The following NELL1 variants were observed in gnomAD, a reference collection of about 807,000 sequenced individuals.
NELL1 encodes neural EGFL like 1, also known as protein kinase C-binding protein NELL1.
In NELL1, 76 loss-of-function variants were observed where a neutral mutation model predicts 107.4. The ratio of observed to expected loss-of-function variants is 0.71; its 90% CI spans 0.59 to 0.86. NELL1 has a LOEUF of 0.86. Among genes scored for constraint, NELL1 ranks in the 40% least tolerant of loss-of-function variants. NELL1 has a pLI of 0.00. For synonymous variants in NELL1, 353 were observed against 341.2 expected (o/e 1.03, Z -0.38); for missense variants, 1,024 against 1,005.5 (o/e 1.02, Z -0.25).
chr11:20,949,196 T>A (rs988610338), intron 11 of NELL1, among the ~76,000 whole-genome samples: 2 of 152,178 alleles, frequency 1.3e-5, no homozygotes, highest in African/African-American at 4.8e-5. Flanking sequence ...TTCTGGTGTA[T>A]GAAAATGTTG....
chr11:20,936,007 G>T (rs756173822), intron 9 of NELL1, among the ~76,000 whole-genome samples: 1 of 152,060 alleles, frequency 6.6e-6, no homozygotes, highest in Non-Finnish European at 1.5e-5. Flanking sequence ...GGTTCTGAGG[G>T]GAAACAGACT....
chr11:21,086,946 C>T (rs940861143), intron 12 of NELL1, among the ~76,000 whole-genome samples: 1 of 148,240 alleles, frequency 6.7e-6, no homozygotes, highest in African/African-American at 2.5e-5. Flanking sequence ...TCAAGTGATT[C>T]TCCTGCCTCA....
rs1326650056 is a variant in NELL1, at chr11:21,100,888, T to C, written c.1301-12701T>C. Reference sequence around the variant, plus strand: ...AGTTTTAGAGTACATGTGCACAACGTGCAGGCTAGTTACATATGTATACAT... The same window carrying C: ...AGTTTTAGAGTACATGTGCACAACGCGCAGGCTAGTTACATATGTATACAT... On this transcript the variant is annotated intron_variant, in intron 12 of 19. Transcript: ENST00000357134. Among the ~76,000 whole-genome samples, 10 of 152,274 alleles carry C rather than the reference T, an allele frequency of 6.6e-5. No individual in the cohort carries two copies. The East Asian group carries it at 1.9e-3, about 29-fold the overall frequency.
At chr11:20,739,128 G>T (rs1051236232) in intron 2 of NELL1, among the ~76,000 whole-genome samples, 1 of 152,320 alleles carries the variant, frequency 6.6e-6, no homozygotes, top group Non-Finnish European at 1.5e-5. Flanking sequence ...TACTGTGTTG[G>T]ACAGCACAGC....
intron 13 of NELL1, among the ~76,000 whole-genome samples, chr11:21,131,971 A>G (rs1356067838): frequency 6.6e-6 from 1 of 152,206 alleles, no homozygotes; most frequent in Non-Finnish European, 1.5e-5. Context: ...AGACACAGGT[A>G]CAGGATGGAC....
At chr11:21,229,254 A>G (rs1857978345) in intron 13 of NELL1, 78 bp from the exon 14 acceptor site, 1 of 1,545,728 alleles carries the variant, frequency 6.5e-7, no homozygotes, top group Non-Finnish European at 8.8e-7. Context: ...TATTTGGTGA[A>G]TTCCAGCTAC....
chr11:21,352,108 G>A (rs1239678087), intron 14 of NELL1, among the ~76,000 whole-genome samples: 1 of 151,944 alleles, frequency 6.6e-6, no homozygotes, highest in African/African-American at 2.4e-5. Flanking sequence ...CCATCTGCCT[G>A]GCCTGTTCTC....
At position 21,076,367 on chromosome 11, in the gene NELL1, T is replaced by C. The variant is rs566555862; in HGVS notation, c.1301-37222T>C. ...CAAGGTTTGGGACGTTGTTGGGATC[T>C]GTGGTTATTTCACACACAGTGGTGG... On this transcript the variant is annotated intron_variant, in intron 12 of 19. Coordinates refer to ENST00000357134, the MANE Select transcript of NELL1 (RefSeq NM_006157.5). Among the ~76,000 whole-genome samples the C allele has an allele frequency of 2.2e-4, 33 of 152,326 alleles. No homozygotes were observed. The South Asian group carries it at 6.6e-3, about 31-fold the overall frequency.
chr11:20,848,343 G>T (rs1027113188), intron 4 of NELL1, among the ~76,000 whole-genome samples: 49 of 152,140 alleles, frequency 3.2e-4, no homozygotes, highest in African/African-American at 9.7e-4. Flanking sequence ...TTCACAGGAG[G>T]TTTTGGGTTG....
At chr11:20,889,853 T>A (rs1160499083) in intron 5 of NELL1, among the ~76,000 whole-genome samples, 1 of 152,158 alleles carries the variant, frequency 6.6e-6, no homozygotes, top group African/African-American at 2.4e-5. Context: ...GAATTCGGAT[T>A]TCCCTGGGCC....
At chr11:20,890,401 G>A (rs938538157) in intron 5 of NELL1, among the ~76,000 whole-genome samples, 6 of 152,130 alleles carry the variant, frequency 3.9e-5, no homozygotes, top group Non-Finnish European at 8.8e-5. Context: ...TCACGAAGAT[G>A]AGAAAGAATC....
intron 12 of NELL1, among the ~76,000 whole-genome samples, chr11:21,106,687 G>C (rs1854977569): frequency 6.6e-6 from 1 of 152,136 alleles, no homozygotes; most frequent in African/African-American, 2.4e-5. Context: ...TGATTTCTTT[G>C]TGGAAAGGAC....
At chr11:20,692,335 A>G (rs1157165119) in intron 2 of NELL1, among the ~76,000 whole-genome samples, 5 of 151,718 alleles carry the variant, frequency 3.3e-5, no homozygotes, top group Admixed American at 2.6e-4. Context: ...TAGCTTTTGA[A>G]TGTGTTTGCT....
chr11:20,760,641 A>G (rs965873123), intron 2 of NELL1, among the ~76,000 whole-genome samples: 2 of 152,216 alleles, frequency 1.3e-5, no homozygotes, highest in Non-Finnish European at 2.9e-5. Context: ...ACGGTGATGG[A>G]TGTCAGCTCC....
intron 12 of NELL1, among the ~76,000 whole-genome samples, chr11:21,008,953 A>T (rs1231238754): frequency 6.6e-6 from 1 of 152,154 alleles, no homozygotes; most frequent in Non-Finnish European, 1.5e-5. Flanking sequence ...TGTGTCAAGT[A>T]AGGTAGAGTC....
intron 15 of NELL1, among the ~76,000 whole-genome samples, chr11:21,509,058 C>G (rs1855369134): frequency 6.6e-6 from 1 of 151,896 alleles, no homozygotes; most frequent in Non-Finnish European, 1.5e-5. Flanking sequence ...AATAGTAAAA[C>G]AAATTAAGTG....
At chr11:21,176,081 A>G (rs1856706348) in intron 13 of NELL1, among the ~76,000 whole-genome samples, 1 of 151,810 alleles carries the variant, frequency 6.6e-6, no homozygotes, top group Admixed American at 6.6e-5. Context: ...AAATATTTAG[A>G]GAGTAGACTC....
intron 15 of NELL1, among the ~76,000 whole-genome samples, chr11:21,530,555 C>G (rs192429233): frequency 4.8e-4 from 73 of 152,072 alleles, no homozygotes; most frequent in Admixed American, 9.8e-4. Context: ...TAGGACTTTT[C>G]ATTGCAACAA....
At chr11:21,324,178 A>G (rs1850076461) in intron 14 of NELL1, among the ~76,000 whole-genome samples, 1 of 152,100 alleles carries the variant, frequency 6.6e-6, no homozygotes, top group Non-Finnish European at 1.5e-5. Flanking sequence ...GACAGTCATT[A>G]TTACCCCATT....
Sources: allele counts gnomAD v4.1 joint callset (sites outside exome capture counted in the v4.1 genomes callset), GRCh38; gene constraint gnomAD v4.1.1; transcripts MANE v1.5; gene names NCBI Gene and HGNC (gene_info 2026-07-23, HGNC 2026-07-21).